Variants in OPN3 observed in about 807,000 individuals in gnomAD.
OPN3 encodes the protein opsin-3.
Under a neutral mutation model 33.8 loss-of-function variants are expected in OPN3, and 29 were observed. That is an observed-to-expected ratio of 0.86 (90% CI 0.64 to 1.17). The LOEUF (loss-of-function observed/expected upper bound fraction) is 1.17. OPN3 is among the 50% of genes most tolerant of loss of function. The pLI is 0.00. For missense variants in OPN3, 437 were observed against 514.1 expected (o/e 0.85, Z 1.45); for synonymous variants, 216 against 216.1 (o/e 1.00, Z 0.00).
At chr1:241,636,649 T>A (rs1263196335) in intron 1 of OPN3, among the ~76,000 whole-genome samples, 4 of 152,216 alleles carry the variant, frequency 2.6e-5, no homozygotes, top group Non-Finnish European at 5.9e-5. Context: ...ACTGGCCATT[T>A]AAAAATATTT....
At chr1:241,616,001 G>A (rs1664115058) in intron 1 of OPN3, 1 of 456,318 alleles carries the variant, frequency 2.2e-6, no homozygotes, top group East Asian at 6.9e-5. Context: ...GAGACAGGAA[G>A]AAGCCAGAGA....
At chr1:241,608,893 G>C (rs937867589) in intron 1 of OPN3, among the ~76,000 whole-genome samples, 6 of 152,114 alleles carry the variant, frequency 3.9e-5, no homozygotes, top group Admixed American at 1.3e-4. Flanking sequence ...GTCTTCGAGG[G>C]TAACCCAACT....
At position 241,640,099 on chromosome 1, in the gene OPN3, C is replaced by G. The variant is rs780826022; in HGVS notation, c.156G>C (p.Gly52=). 1 of 1,607,476 alleles carries G rather than the reference C, an allele frequency of 6.2e-7. No individual in the cohort carries two copies. The highest frequency in any genetic ancestry group is 8.5e-7 in the Non-Finnish European group (1 of 1,177,438). The change falls in exon 1 of 4, where the codon GGG becomes GGC. Residue 52 remains glycine, a synonymous_variant. Coordinates refer to ENST00000366554, the MANE Select transcript of OPN3 (RefSeq NM_014322.3). ...GCAGGTTGTTGCCGACGCCCAGCAGCCCAATGGAGCCCAGCAGCAGCGCCA... is the reference window on the plus strand; with the variant it reads ...GCAGGTTGTTGCCGACGCCCAGCAGGCCAATGGAGCCCAGCAGCAGCGCCA... ...ERLALLLGSI[G]LLGVGNNLLV...
At chr1:241,620,584 G>A (rs1410906632) in intron 1 of OPN3, among the ~76,000 whole-genome samples, 2 of 152,190 alleles carry the variant, frequency 1.3e-5, no homozygotes, top group Non-Finnish European at 2.9e-5. Context: ...CCTGATCTCA[G>A]ACTTCCAACC....
At position 241,635,410 on chromosome 1, in the gene OPN3, C is replaced by G. The variant is rs763238361; in HGVS notation, c.373+4472G>C. 3.1e-6 allele frequency: 5 copies of G among 1,613,978 alleles called. No homozygotes were observed. In the South Asian group the frequency reaches 5.5e-5, roughly 18 times the overall value. ...ACACCCCCAAAGAAGGATTTTTCTG[C>G]AGAGCACCAATCTCTTCAACGTTGT... On this transcript the variant is annotated intron_variant, in intron 1 of 3. Coordinates refer to ENST00000366554, the MANE Select transcript of OPN3 (RefSeq NM_014322.3).
chr1:241,593,958 G>C lies in OPN3; in HGVS notation c.*470C>G, dbSNP rs1364065327. 1 of 154,604 alleles carries C rather than the reference G, an allele frequency of 6.5e-6. No homozygotes were observed. The highest frequency in any genetic ancestry group is 1.4e-5 in the Non-Finnish European group (1 of 69,698). The allele number at this position is 154,604 out of a possible 1,614,324, so 9.6% of individuals were successfully genotyped here. ...CAAGAGGATTTTCTTTTTCATTCTA[G>C]AATTATCTCCTTGATAACTTGATCA... On this transcript the variant is annotated 3_prime_UTR_variant, in exon 4 of 4. Transcript: ENST00000366554.
At chr1:241,621,824 C>T (rs1377348129) in intron 1 of OPN3, among the ~76,000 whole-genome samples, 2 of 152,082 alleles carry the variant, frequency 1.3e-5, no homozygotes, top group Non-Finnish European at 2.9e-5. Context: ...GAAAGGTTTT[C>T]CCTTCTGGCA....
intron 1 of OPN3, among the ~76,000 whole-genome samples, chr1:241,606,222 G>A (rs539061301): frequency 2.0e-4 from 30 of 152,290 alleles, no homozygotes; most frequent in Non-Finnish European, 3.4e-4. Context: ...AATGTGAGGC[G>A]TGAGGGGCGA....
intron 1 of OPN3, among the ~76,000 whole-genome samples, chr1:241,616,644 T>TTA (rs1348675965): frequency 1.3e-5 from 2 of 151,928 alleles, no homozygotes; most frequent in Admixed American, 6.6e-5. Flanking sequence ...CTGATAAAAG[T>TTA]TATATACACA....
At chr1:241,600,832 C>T (rs544831162) in intron 2 of OPN3, 1 of 152,036 alleles carries the variant, frequency 6.6e-6, no homozygotes, top group Non-Finnish European at 1.5e-5. Context: ...CTGTTCCAGT[C>T]ACAGGTGAGA....
At chr1:241,623,933 T>C (rs1664335356) in intron 1 of OPN3, among the ~76,000 whole-genome samples, 1 of 152,156 alleles carries the variant, frequency 6.6e-6, no homozygotes, top group South Asian at 2.1e-4. Flanking sequence ...CCCCAAATCT[T>C]AGCAAGCTAT....
At chr1:241,607,567 GAAAGAAAGA>G (rs1246462809) in intron 1 of OPN3, among the ~76,000 whole-genome samples, 7 of 114,226 alleles carry the variant, frequency 6.1e-5, no homozygotes, top group East Asian at 4.0e-4. Context: ...AAGGAAGAAA[GAAAGAAAGA>G]AAAGAAAGAA....
chr1:241,623,099 CA>C (rs11448132), intron 1 of OPN3, among the ~76,000 whole-genome samples: 2 of 151,296 alleles, frequency 1.3e-5, no homozygotes, highest in South Asian at 4.2e-4. Context: ...AAACAAAAAA[CA>C]AAAAAAACAA....
intron 1 of OPN3, chr1:241,615,997 G>C: frequency 4.4e-6 from 2 of 456,460 alleles, no homozygotes; most frequent in Non-Finnish European, 8.8e-6. Context: ...CCAAGAGACA[G>C]GAAGAAGCCA....
chr1:241,620,451 G>A (rs1259982755), intron 1 of OPN3, among the ~76,000 whole-genome samples: 1 of 152,126 alleles, frequency 6.6e-6, no homozygotes, highest in Non-Finnish European at 1.5e-5. Context: ...CTGGTGAATG[G>A]AATTAGTGCT....
At chr1:241,629,681 G>A (rs926012740) in intron 1 of OPN3, 1 of 152,032 alleles carries the variant, frequency 6.6e-6, no homozygotes, top group Non-Finnish European at 1.5e-5. Flanking sequence ...ATTGGTGTGA[G>A]ACTTGTAGTA....
chr1:241,619,698 A>T (rs1664226317), intron 1 of OPN3, among the ~76,000 whole-genome samples: 1 of 152,232 alleles, frequency 6.6e-6, no homozygotes, highest in Non-Finnish European at 1.5e-5. Context: ...GGGCAGTTTC[A>T]TCATGAAACA....
At chr1:241,622,405 TACTC>T in intron 1 of OPN3, among the ~76,000 whole-genome samples, 1 of 152,164 alleles carries the variant, frequency 6.6e-6, no homozygotes, top group Non-Finnish European at 1.5e-5. Context: ...CTTGCCAAAA[TACTC>T]ACCAGAAGAG....
In OPN3 at chr1:241,640,039, G is replaced by A. The variant is rs763534776; in HGVS notation, c.216C>T (p.Leu72=). 3.1e-6 allele frequency: 5 copies of A among 1,613,230 alleles called. No homozygotes were observed. Among genetic ancestry groups the A allele is most frequent in the East Asian group, 2.2e-5 (1 of 44,696 alleles). Residue 72 remains leucine (L), a synonymous_variant, in exon 1 of 4, where the codon CTC becomes CTT. Coordinates refer to ENST00000366554, the MANE Select transcript of OPN3 (RefSeq NM_014322.3). ...VLVLYYKFQR[L]RTPTHLLLVN... is the part of the protein sequence containing the mutation. ...CCAGGAGGAGGTGAGTGGGAGTGCGGAGCCGCTGGAACTTGTAGTAGAGGA... is the reference window on the plus strand; with the variant it reads ...CCAGGAGGAGGTGAGTGGGAGTGCGAAGCCGCTGGAACTTGTAGTAGAGGA...
Sources: allele counts gnomAD v4.1 joint callset (sites outside exome capture counted in the v4.1 genomes callset), GRCh38; gene constraint gnomAD v4.1.1; transcripts MANE v1.5; gene names NCBI Gene and HGNC (gene_info 2026-07-23, HGNC 2026-07-21).